Variants in MRPL42 observed in about 807,000 individuals in gnomAD.
The protein encoded by MRPL42 is mitochondrial ribosomal protein L42.
Under a neutral mutation model 17.9 loss-of-function variants are expected in MRPL42, and 17 were observed. The ratio of observed to expected loss-of-function variants is 0.95; its 90% CI spans 0.65 to 1.42. MRPL42 has a LOEUF of 1.42. Among genes scored for constraint, MRPL42 ranks in the 40% most tolerant of loss-of-function variants. The pLI is 0.00. For synonymous variants in MRPL42, 59 were observed against 54.4 expected (o/e 1.08, Z -0.37); for missense variants, 177 against 175.2 (o/e 1.01, Z -0.06).
At chr12:93,484,498 G>A (rs1036645752) in intron 4 of MRPL42, among the ~76,000 whole-genome samples, 6 of 151,910 alleles carry the variant, frequency 3.9e-5, no homozygotes, top group Middle Eastern at 3.2e-3. Flanking sequence ...GCACTATGGC[G>A]TTCTGCACCA....
At position 93,503,867 on chromosome 12, in the gene MRPL42, T is replaced by G. The variant is rs1043091155; in HGVS notation, c.*2646T>G. The G allele has an allele frequency of 2.0e-5, 3 of 152,184 alleles. No homozygotes were observed. Among genetic ancestry groups the G allele is most frequent in the Admixed American group, 2.0e-4 (3 of 15,288 alleles). 9.4% of individuals were successfully genotyped at this position (152,184 alleles called of 1,614,324 possible). ...GGTGCATATTATTCTATAATCTGGC[T>G]TGTCATAATTTAATTAACTCCCTGC... On this transcript the variant is annotated 3_prime_UTR_variant, in exon 6 of 6. Coordinates refer to ENST00000549982, the MANE Select transcript of MRPL42 (RefSeq NM_014050.4).
Position 93,505,662 on chromosome 12 carries a change from T to C in MRPL42, c.*4441T>C, listed in dbSNP as rs1953661851. On this transcript the variant is annotated 3_prime_UTR_variant, in exon 6 of 6. Transcript: ENST00000549982. ...GAATGTGAGAATATTTTGAATGCAC[T>C]GGGAAGGAATACTCAGGAACAATAT... is the stretch of plus-strand genomic sequence containing the variant. 1 of 152,226 alleles carries C rather than the reference T, an allele frequency of 6.6e-6. No homozygotes were observed. The highest frequency in any genetic ancestry group is 1.5e-5 in the Non-Finnish European group (1 of 68,042). 9.4% of individuals were successfully genotyped at this position (152,226 alleles called of 1,614,324 possible).
intron 2 of MRPL42, among the ~76,000 whole-genome samples, 186 bp from the exon 3 acceptor site, chr12:93,476,768 C>T (rs896107574): frequency 2.0e-5 from 3 of 152,210 alleles, no homozygotes; most frequent in Admixed American, 1.3e-4. Flanking sequence ...GTCTCTCTCA[C>T]AAGCAGACTA....
At chr12:93,477,216 T>G (rs1230494123) in intron 3 of MRPL42, among the ~76,000 whole-genome samples, 199 bp downstream of exon 3, 1 of 152,260 alleles carries the variant, frequency 6.6e-6, no homozygotes, top group African/African-American at 2.4e-5. Flanking sequence ...ATTGTCATTG[T>G]GTTTCATTGA....
chr12:93,493,831 TA>T (rs1407197931), intron 5 of MRPL42, among the ~76,000 whole-genome samples: 63 of 2,524 alleles, frequency 0.025, no homozygotes, highest in Admixed American at 0.03. Context: ...GATTCTGTAG[TA>T]CACAAAACAA....
intron 4 of MRPL42, among the ~76,000 whole-genome samples, chr12:93,485,983 G>T (rs1390080028): frequency 6.8e-6 from 1 of 147,238 alleles, no homozygotes; most frequent in Non-Finnish European, 1.5e-5. Context: ...TTTATTTTTT[G>T]TTTTTAAATT....
At position 93,502,911 on chromosome 12, in the gene MRPL42, T is replaced by C. The variant is rs1031993251; in HGVS notation, c.*1690T>C. Reference sequence around the variant, plus strand: ...CTTTGACTTTATTCTACTGGAAGTATAGATTAACACTGTGCTTTCTGGGAT... The same window carrying C: ...CTTTGACTTTATTCTACTGGAAGTACAGATTAACACTGTGCTTTCTGGGAT... On this transcript the variant is annotated 3_prime_UTR_variant, in exon 6 of 6. Transcript: ENST00000549982. 2.6e-5 allele frequency: 4 copies of C among 152,344 alleles called. No homozygotes were observed. The highest frequency in any genetic ancestry group is 2.9e-5 in the Non-Finnish European group (2 of 68,032). 9.4% of individuals were successfully genotyped at this position (152,344 alleles called of 1,614,324 possible). A position where few individuals can be genotyped will look rare whatever the true frequency, so the allele number is the denominator to read the frequency against.
intron 2 of MRPL42, among the ~76,000 whole-genome samples, chr12:93,471,384 G>A (rs530465983): frequency 2.0e-5 from 3 of 151,916 alleles, no homozygotes; most frequent in South Asian, 4.2e-4. Flanking sequence ...GGCTGGTCTC[G>A]AACTCCCAAC....
At chr12:93,482,667 TA>T (rs1439980039) in intron 4 of MRPL42, among the ~76,000 whole-genome samples, 4 of 152,134 alleles carry the variant, frequency 2.6e-5, no homozygotes, top group Non-Finnish European at 5.9e-5. Flanking sequence ...ATTAGTAGAA[TA>T]ATAGTAACAT....
intron 4 of MRPL42, among the ~76,000 whole-genome samples, chr12:93,483,049 C>G (rs886785511): frequency 4.6e-5 from 7 of 152,130 alleles, no homozygotes; most frequent in African/African-American, 1.7e-4. Context: ...CACTCGTGAC[C>G]ACGCCTGGCT....
intron 3 of MRPL42, among the ~76,000 whole-genome samples, chr12:93,478,976 G>T (rs1184791039): frequency 6.7e-6 from 1 of 149,814 alleles, no homozygotes; most frequent in Non-Finnish European, 1.5e-5. Flanking sequence ...CTTTTGCCCA[G>T]GCTGGAGTGC....
chr12:93,508,829 C>T lies in MRPL42; in HGVS notation c.*7608C>T, dbSNP rs886642112. 4 of 152,130 alleles carry T rather than the reference C, an allele frequency of 2.6e-5. No individual in the cohort carries two copies. Among genetic ancestry groups the T allele is most frequent in the Non-Finnish European group, 5.9e-5 (4 of 68,034 alleles). The allele number at this position is 152,130 out of a possible 1,614,324, so 9.4% of individuals were successfully genotyped here. On this transcript the variant is annotated 3_prime_UTR_variant, in exon 6 of 6. Coordinates refer to ENST00000549982, the MANE Select transcript of MRPL42 (RefSeq NM_014050.4). ...GGATAAGCTCAATAACTGATCATTT[C>T]CTTATCAGTTTAAACCATATATATT...
Position 93,514,822 on chromosome 12 carries a change from T to C in MRPL42, c.*13601T>C, listed in dbSNP as rs1360789631. 2.6e-5 allele frequency: 4 copies of C among 152,216 alleles called. No homozygotes were observed. Among genetic ancestry groups the C allele is most frequent in the Non-Finnish European group, 2.9e-5 (2 of 68,052 alleles). The allele number at this position is 152,216 out of a possible 1,614,324, so 9.4% of individuals were successfully genotyped here. ...CTTTAGACACATGCTTTTAATGATA[T>C]ATTTCTTAAAATGTATTACCCAGGA... On this transcript the variant is annotated 3_prime_UTR_variant, in exon 6 of 6. Coordinates refer to ENST00000549982, the MANE Select transcript of MRPL42 (RefSeq NM_014050.4).
chr12:93,511,807 A>G lies in MRPL42; in HGVS notation c.*10586A>G, dbSNP rs762797368. 17 of 152,210 alleles carry G rather than the reference A, an allele frequency of 1.1e-4. No individual in the cohort carries two copies. Among genetic ancestry groups the G allele is most frequent in the Non-Finnish European group, 1.8e-4 (12 of 68,026 alleles). 9.4% of individuals were successfully genotyped at this position (152,210 alleles called of 1,614,324 possible). A position where few individuals can be genotyped will look rare whatever the true frequency, so the allele number is the denominator to read the frequency against. ...TGGTTTGAAGCTTTGTAGGAATCCA[A>G]TTGGATGGATAGCAGCAGTGGTAAG... On this transcript the variant is annotated 3_prime_UTR_variant, in exon 6 of 6. Coordinates refer to ENST00000549982, the MANE Select transcript of MRPL42 (RefSeq NM_014050.4).
intron 2 of MRPL42, among the ~76,000 whole-genome samples, chr12:93,469,885 A>T (rs1879820052): frequency 6.6e-6 from 1 of 151,924 alleles, no homozygotes; most frequent in South Asian, 2.1e-4. Flanking sequence ...TGTGTAGCCC[A>T]CTCTTGGGAT....
Position 93,503,149 on chromosome 12 carries a change from A to G in MRPL42, c.*1928A>G, listed in dbSNP as rs1197200163. The G allele has an allele frequency of 6.6e-6, 1 of 152,088 alleles. No homozygotes were observed. Among genetic ancestry groups the G allele is most frequent in the African/African-American group, 2.4e-5 (1 of 41,424 alleles). 9.4% of individuals were successfully genotyped at this position (152,088 alleles called of 1,614,324 possible). A position where few individuals can be genotyped will look rare whatever the true frequency, so the allele number is the denominator to read the frequency against. ...TGGGATGCTTCTTTAATTTAAATAC[A>G]TTTAGCTTCATGAAAAACTCACTAC... On this transcript the variant is annotated 3_prime_UTR_variant, in exon 6 of 6. Coordinates refer to ENST00000549982, the MANE Select transcript of MRPL42 (RefSeq NM_014050.4).
chr12:93,478,753 T>C (rs1170426363), intron 3 of MRPL42, among the ~76,000 whole-genome samples: 1 of 152,116 alleles, frequency 6.6e-6, no homozygotes, highest in African/African-American at 2.4e-5. Context: ...GGTGAAACAA[T>C]CTAATGCCTA....
At chr12:93,494,723 C>A (rs946877826) in intron 5 of MRPL42, among the ~76,000 whole-genome samples, 1 of 152,022 alleles carries the variant, frequency 6.6e-6, no homozygotes, top group African/African-American at 2.4e-5. Flanking sequence ...TGGGACTGGA[C>A]GAGATTCCTG....
In MRPL42 at chr12:93,512,918, T is replaced by G. The variant is rs780723897; in HGVS notation, c.*11697T>G. ...AACTAATGAAGGATTAAAAATGAAT[T>G]TTGAAAATACCACACCACTTGCTTC... On this transcript the variant is annotated 3_prime_UTR_variant, in exon 6 of 6. Coordinates refer to ENST00000549982, the MANE Select transcript of MRPL42 (RefSeq NM_014050.4). 3 of 152,226 alleles carry G rather than the reference T, an allele frequency of 2.0e-5. No homozygotes were observed. The highest frequency in any genetic ancestry group is 4.4e-5 in the Non-Finnish European group (3 of 68,050). The allele number at this position is 152,226 out of a possible 1,614,324, so 9.4% of individuals were successfully genotyped here. A position where few individuals can be genotyped will look rare whatever the true frequency, so the allele number is the denominator to read the frequency against.
Sources: allele counts gnomAD v4.1 joint callset (sites outside exome capture counted in the v4.1 genomes callset), GRCh38; gene constraint gnomAD v4.1.1; transcripts MANE v1.5; gene names NCBI Gene and HGNC (gene_info 2026-07-23, HGNC 2026-07-21).